Variants in AKAP3 observed in about 807,000 individuals in gnomAD.
AKAP3 encodes the protein A-kinase anchoring protein 3.
Under a neutral mutation model 57.2 loss-of-function variants are expected in AKAP3, and 27 were observed. The ratio of observed to expected loss-of-function variants is 0.47; its 90% CI spans 0.35 to 0.65. AKAP3 has a LOEUF of 0.65. Among genes scored for constraint, AKAP3 ranks in the 30% least tolerant of loss-of-function variants. AKAP3 has a pLI of 0.01. For synonymous variants in AKAP3, 334 were observed against 392.3 expected (o/e 0.85, Z 1.76); for missense variants, 959 against 1,040.0 (o/e 0.92, Z 1.07).
intron 4 of AKAP3, among the ~76,000 whole-genome samples, chr12:4,633,040 T>C (rs1945518310): frequency 1.3e-5 from 2 of 151,924 alleles, no homozygotes; most frequent in Non-Finnish European, 2.9e-5. Flanking sequence ...TGTGTTTCCA[T>C]ACTATTGAGC....
At chr12:4,630,973 T>A (rs1945490736) in intron 4 of AKAP3, among the ~76,000 whole-genome samples, 1 of 152,218 alleles carries the variant, frequency 6.6e-6, no homozygotes, top group African/African-American at 2.4e-5. Flanking sequence ...TATCTTTTAA[T>A]GGTTTTGGAA....
rs1945422929 is a variant in AKAP3 at position 4,626,948 on chromosome 12, C to G, written c.1954G>C (p.Gly652Arg). ...EDDETPGALS[G>R]LTKMAVSQID... ...TGGCTGACAGCCATCTTGGTCAGCC[C>G]AGAAAGGGCACCAGGGGTCTCATCA... is the stretch of plus-strand genomic sequence containing the variant. Residue 652 changes from glycine to arginine, a missense_variant, in exon 5 of 6, where the codon GGG (glycine) becomes CGG (arginine). By Grantham distance (125) the Gly-to-Arg change is moderately radical. Coordinates refer to ENST00000228850, the MANE Select transcript of AKAP3 (RefSeq NM_001278309.2). 1.2e-6 allele frequency: 2 copies of G among 1,614,166 alleles called. No individual in the cohort carries two copies. Among genetic ancestry groups the G allele is most frequent in the African/African-American group, 1.3e-5 (1 of 75,044 alleles).
intron 2 of AKAP3, among the ~76,000 whole-genome samples, chr12:4,642,296 T>G (rs930494766): frequency 6.6e-6 from 1 of 152,148 alleles, no homozygotes; most frequent in Non-Finnish European, 1.5e-5. Flanking sequence ...CCCTAAAAAT[T>G]TTTAGCTTAA....
In AKAP3 at chr12:4,615,641, T is replaced by C; in HGVS notation, c.*98A>G. 1 of 1,414,924 alleles carries C rather than the reference T, an allele frequency of 7.1e-7. No homozygotes were observed. The highest frequency in any genetic ancestry group is 9.7e-7 in the Non-Finnish European group (1 of 1,032,608). The allele number at this position is 1,414,924 out of a possible 1,614,324, so 87.6% of individuals were successfully genotyped here. On this transcript the variant is annotated 3_prime_UTR_variant, in exon 6 of 6. Transcript: ENST00000228850. ...TGGTGTGAAGATAATGTTAGGGCTC[T>C]GTGAGGATATAGAGGGGGAGATGTG...
chr12:4,618,187 G>A (rs1945307913), intron 5 of AKAP3, among the ~76,000 whole-genome samples: 1 of 152,114 alleles, frequency 6.6e-6, no homozygotes, highest in African/African-American at 2.4e-5. Context: ...TCAAATGTCA[G>A]AATGGACAAA....
At chr12:4,638,554 T>A (rs1461369972) in intron 3 of AKAP3, among the ~76,000 whole-genome samples, 1 of 152,166 alleles carries the variant, frequency 6.6e-6, no homozygotes, top group Non-Finnish European at 1.5e-5. Flanking sequence ...CAGTAGACAC[T>A]CAAAACTCAA....
At chr12:4,622,915 GAAAC>G (rs1450555112) in intron 5 of AKAP3, among the ~76,000 whole-genome samples, 1 of 151,972 alleles carries the variant, frequency 6.6e-6, no homozygotes, top group African/African-American at 2.4e-5. Context: ...ATAAGGAACT[GAAAC>G]AAATTTGCAA....
chr12:4,624,516 T>G (rs1269874249), intron 5 of AKAP3, among the ~76,000 whole-genome samples: 1 of 152,102 alleles, frequency 6.6e-6, no homozygotes. Flanking sequence ...ACATATTATT[T>G]ATTCAAAAAT....
chr12:4,626,631 C>T lies in AKAP3; in HGVS notation c.2271G>A (p.Val757=), dbSNP rs761032895. The change falls in exon 5 of 6, where the codon GTG becomes GTA. Residue 757 remains valine (V), a synonymous_variant. Coordinates refer to ENST00000228850, the MANE Select transcript of AKAP3 (RefSeq NM_001278309.2). The part of the protein sequence containing the change: ...QPPEGCAAPT[V]IVSNHNLTDT... ...CCGTTAGGTTGTGATTGCTGACAATCACCGTGGGTGCTGCACACCCTTCAG... is the reference window on the plus strand; with the variant it reads ...CCGTTAGGTTGTGATTGCTGACAATTACCGTGGGTGCTGCACACCCTTCAG... 62 of 1,614,108 alleles carry T rather than the reference C, an allele frequency of 3.8e-5. No homozygotes were observed. Among genetic ancestry groups the T allele is most frequent in the Non-Finnish European group, 3.3e-5 (39 of 1,180,046 alleles).
intron 3 of AKAP3, among the ~76,000 whole-genome samples, chr12:4,639,144 A>C (rs1335685471): frequency 6.6e-6 from 1 of 152,208 alleles, no homozygotes; most frequent in Non-Finnish European, 1.5e-5. Context: ...TTAGTCTCAC[A>C]CACTTTCCAC....
At chr12:4,635,837 A>G (rs1426580984) in intron 4 of AKAP3, 1 of 671,088 alleles carries the variant, frequency 1.5e-6, no homozygotes, top group Non-Finnish European at 2.7e-6. Context: ...TGAATCTGTA[A>G]AACCACTTTA....
intron 4 of AKAP3, among the ~76,000 whole-genome samples, chr12:4,630,018 C>T (rs545201431): frequency 1.3e-5 from 2 of 152,288 alleles, no homozygotes; most frequent in South Asian, 4.1e-4. Flanking sequence ...GTGGGAAAAA[C>T]TCTGAAACAC....
chr12:4,622,844 C>A lies in AKAP3; in HGVS notation c.2406+3652G>T, dbSNP rs536052331. Among the ~76,000 whole-genome samples the A allele has an allele frequency of 3.3e-5, 5 of 152,122 alleles. No homozygotes were observed. In the East Asian group the frequency reaches 5.8e-4, roughly 18 times the overall value. On this transcript the variant is annotated intron_variant, in intron 5 of 5. Coordinates refer to ENST00000228850, the MANE Select transcript of AKAP3 (RefSeq NM_001278309.2). ...AACTATTAATAGAGTAAACAGACAA[C>A]CTACATAATGGAAGGAAATATTTGC... is the stretch of plus-strand genomic sequence containing the variant.
At chr12:4,639,940 C>T (rs1384619583) in intron 3 of AKAP3, among the ~76,000 whole-genome samples, 1 of 151,846 alleles carries the variant, frequency 6.6e-6, no homozygotes, top group Non-Finnish European at 1.5e-5. Context: ...CCTCAGCCTC[C>T]CAAGTAGCTG....
chr12:4,621,835 AATAAAAGAAAAATGTCTCAT>A (rs1406993940), intron 5 of AKAP3, among the ~76,000 whole-genome samples: 1 of 152,234 alleles, frequency 6.6e-6, no homozygotes, highest in Non-Finnish European at 1.5e-5. Context: ...ACCCAGCAAA[AATAAAAGAAAAATGTCTCAT>A]ATTTGATGAC....
chr12:4,628,607 A>G lies in AKAP3; in HGVS notation c.295T>C (p.Phe99Leu), dbSNP rs764027487. The change falls in exon 5 of 6, where the codon TTT (phenylalanine) becomes CTT (leucine). Residue 99 changes from phenylalanine to leucine, a missense_variant. Phe to Leu is a conservative substitution (Grantham distance 22). Transcript: ENST00000228850. Reference sequence around the variant, plus strand: ...GGAATCTCTTTGTGAGTCATCTCAAAATGCAATCTTTCTGGAGTGCCCTTG... The same window carrying G: ...GGAATCTCTTTGTGAGTCATCTCAAGATGCAATCTTTCTGGAGTGCCCTTG... ...TTKGTPERLH[F>L]EMTHKEIPCQ... The G allele has an allele frequency of 6.2e-7, 1 of 1,614,194 alleles. No homozygotes were observed. The highest frequency in any genetic ancestry group is 1.1e-5 in the South Asian group (1 of 91,084).
Position 4,626,929 on chromosome 12 carries a change from A to T in AKAP3, c.1973T>A (p.Val658Asp). Residue 658 changes from valine to aspartate, a missense_variant, in exon 5 of 6, where the codon GTC becomes GAC. By Grantham distance (152) the Val-to-Asp change is radical. Transcript: ENST00000228850. Reference protein sequence around the residue: ...GALSGLTKMAVSQIDGHMSGQ... With the variant: ...GALSGLTKMADSQIDGHMSGQ... Reference sequence around the variant, plus strand: ...ACTCATGTGGCCATCTATCTGGCTGACAGCCATCTTGGTCAGCCCAGAAAG... The same window carrying T: ...ACTCATGTGGCCATCTATCTGGCTGTCAGCCATCTTGGTCAGCCCAGAAAG... 1 of 1,613,982 alleles carries T rather than the reference A, an allele frequency of 6.2e-7. No individual in the cohort carries two copies. The highest frequency in any genetic ancestry group is 8.5e-7 in the Non-Finnish European group (1 of 1,180,016).
rs147621340 is a variant in AKAP3, at chr12:4,627,381, T to C, written c.1521A>G (p.Pro507=). The C allele has an allele frequency of 2.3e-4, 374 of 1,614,070 alleles. 3 individuals carry two copies. The Middle Eastern group carries it at 4.9e-3, about 21-fold the overall frequency. ...PEDIGNLSLP[P]YPPEKPENFM... Reference sequence around the variant, plus strand: ...AATTCTCAGGTTTCTCTGGAGGATATGGAGGAAGGCTGAGGTTGCCAATAT... The same window carrying C: ...AATTCTCAGGTTTCTCTGGAGGATACGGAGGAAGGCTGAGGTTGCCAATAT... Residue 507 remains proline (P), a synonymous_variant, in exon 5 of 6, where the codon CCA becomes CCG. Transcript: ENST00000228850.
intron 3 of AKAP3, among the ~76,000 whole-genome samples, chr12:4,639,140 T>TCA (rs1376311614): frequency 2.0e-5 from 3 of 152,212 alleles, no homozygotes; most frequent in East Asian, 1.9e-4. Flanking sequence ...GGCCTTAGTC[T>TCA]CACACACTTT....
Sources: gnomAD v4.1 joint callset for allele counts (sites outside exome capture counted in the v4.1 genomes callset) on GRCh38, gnomAD v4.1.1 for gene constraint, MANE v1.5 for transcripts, NCBI Gene and HGNC (gene_info 2026-07-23, HGNC 2026-07-21) for gene names.